The following SMIM8 variants were observed in gnomAD, a reference collection of about 807,000 sequenced individuals.
SMIM8 encodes the protein small integral membrane protein 8.
SMIM8 carries 8 observed loss-of-function variants against 8.1 expected under a neutral mutation model. The observed-to-expected ratio is 0.99, with a 90% CI of 0.58 to 1.78. SMIM8 has a LOEUF of 1.78. Among genes scored for constraint, SMIM8 ranks in the 40% most tolerant of loss-of-function variants. SMIM8 has a pLI of 0.00. For missense variants in SMIM8, 126 were observed against 119.8 expected (o/e 1.05, Z -0.24); for synonymous variants, 45 against 39.7 (o/e 1.13, Z -0.50).
At chr6:87,332,668 G>A (rs1777021192) in intron 2 of SMIM8, among the ~76,000 whole-genome samples, 1 of 25,380 alleles carries the variant, frequency 3.9e-5, no homozygotes, top group African/African-American at 2.2e-4. Context: ...ACTATGCTCT[G>A]AGGACCCTTC....
intron 1 of SMIM8, among the ~76,000 whole-genome samples, chr6:87,329,942 G>A (rs1776953813): frequency 6.6e-6 from 1 of 152,158 alleles, no homozygotes. Context: ...CACACATTTA[G>A]TACCTATCTA....
intron 1 of SMIM8, among the ~76,000 whole-genome samples, chr6:87,325,579 C>T (rs1482016210): frequency 1.3e-5 from 2 of 150,146 alleles, no homozygotes; most frequent in East Asian, 1.9e-4. Flanking sequence ...TATTGATTTG[C>T]ATATATTGAA....
In SMIM8 at chr6:87,342,131, T is replaced by C. The variant is rs77165090; in HGVS notation, c.*1857T>C. On this transcript the variant is annotated 3_prime_UTR_variant, in exon 4 of 4. Coordinates refer to ENST00000392863, the MANE Select transcript of SMIM8 (RefSeq NM_001042493.3). ...TCAAGCACAAAGCTGTGAAAAGTAG[T>C]GTGTGGAAAGAATCATACTGAATTT... is the stretch of plus-strand genomic sequence containing the variant. The C allele has an allele frequency of 0.12, 18,146 of 152,164 alleles. 1,133 individuals carry two copies. The highest frequency in any genetic ancestry group is 0.15 in the African/African-American group (6,056 of 41,516). 9.4% of individuals were successfully genotyped at this position (152,164 alleles called of 1,614,324 possible).
At chr6:87,324,220 AGGTTGCCTGTTCACTCTGAT>A (rs1776758771) in intron 1 of SMIM8, among the ~76,000 whole-genome samples, 1 of 152,114 alleles carries the variant, frequency 6.6e-6, no homozygotes, top group Non-Finnish European at 1.5e-5. Flanking sequence ...CCCATTTTGT[AGGTTGCCTGTTCACTCTGAT>A]GGTAGTTTCT....
At chr6:87,328,515 G>C (rs187153837) in intron 1 of SMIM8, among the ~76,000 whole-genome samples, 2,261 of 151,666 alleles carry the variant, frequency 0.015, 81 homozygotes, top group African/African-American at 0.051. Flanking sequence ...CCGGCCGTGT[G>C]AGGTATCAGT....
intron 3 of SMIM8, among the ~76,000 whole-genome samples, chr6:87,339,254 A>G (rs1470554525): frequency 6.6e-6 from 1 of 151,738 alleles, no homozygotes; most frequent in East Asian, 1.9e-4. Flanking sequence ...GTGAGCTATG[A>G]TTGCACCACT....
Position 87,340,411 on chromosome 6 carries a change from A to G in SMIM8, c.*137A>G. The G allele has an allele frequency of 1.2e-6, 1 of 853,804 alleles. No homozygotes were observed. The highest frequency in any genetic ancestry group is 1.6e-6 in the Non-Finnish European group (1 of 637,608). The allele number at this position is 853,804 out of a possible 1,614,324, so 52.9% of individuals were successfully genotyped here. On this transcript the variant is annotated 3_prime_UTR_variant, in exon 4 of 4. Coordinates refer to ENST00000392863, the MANE Select transcript of SMIM8 (RefSeq NM_001042493.3). ...GAGAAGATAGCAGTTGCAACCAGACAACTGTCGTAAATTTTGTCCTTTCAC... is the reference window on the plus strand; with the variant it reads ...GAGAAGATAGCAGTTGCAACCAGACGACTGTCGTAAATTTTGTCCTTTCAC...
At chr6:87,328,207 C>T (rs1392888770) in intron 1 of SMIM8, among the ~76,000 whole-genome samples, 1 of 152,198 alleles carries the variant, frequency 6.6e-6, no homozygotes, top group Non-Finnish European at 1.5e-5. Flanking sequence ...TGAATTTCCT[C>T]CCGTAGCTCG....
intron 1 of SMIM8, among the ~76,000 whole-genome samples, chr6:87,326,922 C>A (rs376181117): frequency 1.9e-5 from 2 of 102,952 alleles, no homozygotes; most frequent in Admixed American, 1.7e-4. Flanking sequence ...GTAGGTCACT[C>A]AGGACTTGCT....
intron 3 of SMIM8, 65 bp from the exon 4 acceptor site, chr6:87,340,051 C>T (rs1777188441): frequency 5.6e-5 from 76 of 1,347,344 alleles, no homozygotes; most frequent in Non-Finnish European, 6.7e-5. Context: ...AAAGTGCAAC[C>T]GATATTTGGG....
At chr6:87,334,019 GCATGTCA>G (rs1176016076) in intron 2 of SMIM8, among the ~76,000 whole-genome samples, 5 of 152,192 alleles carry the variant, frequency 3.3e-5, no homozygotes, top group Non-Finnish European at 5.9e-5. Context: ...GTGGAAGCAG[GCATGTCA>G]CATGGTGAGA....
At chr6:87,339,275 C>G (rs1030972481) in intron 3 of SMIM8, among the ~76,000 whole-genome samples, 1 of 151,798 alleles carries the variant, frequency 6.6e-6, no homozygotes, top group African/African-American at 2.4e-5. Context: ...GCACTCCAGC[C>G]TGGGCAACAG....
At chr6:87,339,413 C>T (rs963346160) in intron 3 of SMIM8, among the ~76,000 whole-genome samples, 9 of 88,476 alleles carry the variant, frequency 1.0e-4, no homozygotes, top group Admixed American at 3.3e-4. Flanking sequence ...CAAAACACAG[C>T]GTGTGTGTGT....
chr6:87,322,816 C>T (rs1431464920), intron 1 of SMIM8, 184 bp downstream of exon 1: 1 of 152,220 alleles, frequency 6.6e-6, no homozygotes, highest in African/African-American at 2.4e-5. Flanking sequence ...TACCCGCACC[C>T]CAAGTCGGTG....
intron 1 of SMIM8, among the ~76,000 whole-genome samples, chr6:87,326,214 C>CTACCAA (rs1228525825): frequency 6.6e-6 from 1 of 152,174 alleles, no homozygotes; most frequent in African/African-American, 2.4e-5. Flanking sequence ...GTTCAAAAAA[C>CTACCAA]CAGCTCCTGG....
At chr6:87,339,303 TAAC>T (rs749749445) in intron 3 of SMIM8, among the ~76,000 whole-genome samples, 13 of 149,782 alleles carry the variant, frequency 8.7e-5, no homozygotes, top group Non-Finnish European at 1.5e-4. Flanking sequence ...TCCTGTCTCT[TAAC>T]AACAACAACA....
Position 87,341,014 on chromosome 6 carries a change from TTA to T in SMIM8, c.*742_*743del. 9.3e-6 allele frequency: 3 copies of T among 322,688 alleles called. No homozygotes were observed. Among genetic ancestry groups the T allele is most frequent in the Non-Finnish European group, 1.7e-5 (3 of 179,714 alleles). 20.0% of individuals were successfully genotyped at this position (322,688 alleles called of 1,614,324 possible). ...AACTAAATGTTATCTATTTTAGTGT[TTA>T]TGTTAATTAATGTTAATTAATTTTG... On this transcript the variant is annotated 3_prime_UTR_variant, in exon 4 of 4. Coordinates refer to ENST00000392863, the MANE Select transcript of SMIM8 (RefSeq NM_001042493.3).
intron 1 of SMIM8, among the ~76,000 whole-genome samples, chr6:87,324,876 A>G (rs1582084810): frequency 6.6e-6 from 1 of 152,176 alleles, no homozygotes; most frequent in East Asian, 1.9e-4. Flanking sequence ...GGCCATTTTC[A>G]CAATGTTGAT....
chr6:87,338,876 A>G lies in SMIM8; in HGVS notation c.136-1240A>G, dbSNP rs1231211171. On this transcript the variant is annotated intron_variant, in intron 3 of 3. Transcript: ENST00000392863. The stretch of plus-strand genomic sequence containing the variant: ...GTTAATAGACAAAATACTTTTCTGG[A>G]GTTGTGAACATCTTTCCTGTATTTA... Among the ~76,000 whole-genome samples the G allele has an allele frequency of 1.1e-4, 15 of 142,424 alleles. No homozygotes were observed. The East Asian group carries it at 3.0e-3, about 29-fold the overall frequency. The allele number at this position is 142,424 out of a possible 152,430, so 93.4% of individuals were successfully genotyped here.
Sources: gnomAD v4.1 joint callset for allele counts (sites outside exome capture counted in the v4.1 genomes callset) on GRCh38, gnomAD v4.1.1 for gene constraint, MANE v1.5 for transcripts, NCBI Gene and HGNC (gene_info 2026-07-23, HGNC 2026-07-21) for gene names.